Variants in CNNM1 observed in about 807,000 individuals in gnomAD.
CNNM1 encodes metal transporter CNNM1.
CNNM1 carries 44 observed loss-of-function variants against 78.8 expected under a neutral mutation model. That is an observed-to-expected ratio of 0.56 (90% CI 0.44 to 0.72). The LOEUF (loss-of-function observed/expected upper bound fraction) is 0.72. CNNM1 is among the 30% of genes least tolerant of loss of function. The pLI, the probability that CNNM1 is intolerant of heterozygous loss-of-function variation, is 0.00. For missense variants in CNNM1, 1,101 were observed against 1,292.2 expected (o/e 0.85, Z 2.27); for synonymous variants, 584 against 581.5 (o/e 1.00, Z -0.06).
intron 7 of CNNM1, 61 bp downstream of exon 7, chr10:99,377,279 G>C: frequency 1.3e-6 from 2 of 1,515,450 alleles, no homozygotes; most frequent in East Asian, 2.3e-5. Flanking sequence ...TGGCTGAGCG[G>C]GACAAGAAGA....
At chr10:99,386,746 CTCTT>C (rs1183121636) in intron 7 of CNNM1, among the ~76,000 whole-genome samples, 1 of 152,202 alleles carries the variant, frequency 6.6e-6, no homozygotes, top group African/African-American at 2.4e-5. Context: ...CAAGCCTACT[CTCTT>C]TCCCAACATG....
At chr10:99,331,086 A>C in intron 1 of CNNM1, 126 bp downstream of exon 1, 1 of 912,434 alleles carries the variant, frequency 1.1e-6, no homozygotes, top group South Asian at 1.8e-5. Flanking sequence ...CCCAAGGAAG[A>C]CTCTACCTCT....
At chr10:99,346,311 T>A (rs1331298336) in intron 1 of CNNM1, among the ~76,000 whole-genome samples, 1 of 152,178 alleles carries the variant, frequency 6.6e-6, no homozygotes, top group Non-Finnish European at 1.5e-5. Context: ...AAGGACACTT[T>A]GAATTAGAGG....
chr10:99,372,184 A>C (rs2031825271), intron 6 of CNNM1, among the ~76,000 whole-genome samples: 2 of 152,136 alleles, frequency 1.3e-5, no homozygotes, highest in African/African-American at 2.4e-5. Flanking sequence ...AGCCCCGATT[A>C]CAGTGTGAAG....
intron 1 of CNNM1, among the ~76,000 whole-genome samples, chr10:99,344,659 TC>T (rs2030606048): frequency 6.6e-6 from 1 of 152,004 alleles, no homozygotes; most frequent in Non-Finnish European, 1.5e-5. Flanking sequence ...TTCAGTTTCC[TC>T]CCCCATCACT....
intron 2 of CNNM1, among the ~76,000 whole-genome samples, chr10:99,359,955 C>T (rs910899071): frequency 6.7e-6 from 1 of 149,172 alleles, no homozygotes; most frequent in African/African-American, 2.5e-5. Context: ...AAAGCGGGGG[C>T]CGGGGGGGAA....
intron 7 of CNNM1, among the ~76,000 whole-genome samples, chr10:99,377,871 A>G (rs1487018982): frequency 6.6e-6 from 1 of 151,204 alleles, no homozygotes; most frequent in African/African-American, 2.4e-5. Context: ...ATTAAAGAGG[A>G]GGGGAGCTAT....
At position 99,362,252 on chromosome 10, in the gene CNNM1, C is replaced by G. The variant is rs1367427181; in HGVS notation, c.1884C>G (p.Tyr628Ter). 15 of 1,613,268 alleles carry G rather than the reference C, an allele frequency of 9.3e-6. No individual in the cohort carries two copies. In the Admixed American group the frequency reaches 2.0e-4, roughly 22 times the overall value. The stretch of plus-strand genomic sequence containing the variant: ...AAGTGGAGCCCTTTAAGTCTCTGTA[C>G]CTTTCGGAGAAGATCCTGCTCCGGC... ...ATEVEPFKSL[Y>*]LSEKILLRLL... The change falls in exon 4 of 11, where the codon TAC (tyrosine) becomes TAG (stop). Residue 628 changes from tyrosine to a stop codon, truncating the protein, a stop_gained. Coordinates refer to ENST00000356713, the MANE Select transcript of CNNM1 (RefSeq NM_020348.3). LOFTEE classifies it high-confidence loss of function.
chr10:99,390,374 G>A lies in CNNM1; in HGVS notation c.2743G>A (p.Glu915Lys), dbSNP rs2032438252. 6.2e-7 allele frequency: 1 copy of A among 1,612,890 alleles called. No individual in the cohort carries two copies. The highest frequency in any genetic ancestry group is 1.7e-5 in the Admixed American group (1 of 59,936). Residue 915 changes from glutamate to lysine, a missense_variant, in exon 10 of 11, where the codon GAA (glutamate) becomes AAA (lysine). Physicochemically the swap from Glu to Lys is moderately conservative, Grantham distance 56 (BLOSUM62 1). Coordinates refer to ENST00000356713, the MANE Select transcript of CNNM1 (RefSeq NM_020348.3). The part of the protein sequence containing the change: ...ETSPCSSDFE[E>K]NVGKKLLRTL... ...CAGCCCCTGCAGTAGCGATTTTGAG[G>A]AAAACGTGGGCAAGAAGCTGCTGAG...
chr10:99,339,528 T>C (rs537448669), intron 1 of CNNM1, among the ~76,000 whole-genome samples: 46 of 152,340 alleles, frequency 3.0e-4, no homozygotes, highest in African/African-American at 1.0e-3. Context: ...GCTGGGGCAT[T>C]AGGAGCGAGA....
chr10:99,335,808 G>C (rs2030152829), intron 1 of CNNM1, among the ~76,000 whole-genome samples: 3 of 152,192 alleles, frequency 2.0e-5, no homozygotes, highest in Admixed American at 6.5e-5. Flanking sequence ...GGCCAACTCA[G>C]TTTCTGGTGA....
At chr10:99,373,217 G>C (rs2031860119) in intron 6 of CNNM1, among the ~76,000 whole-genome samples, 1 of 152,194 alleles carries the variant, frequency 6.6e-6, no homozygotes, top group Admixed American at 6.5e-5. Flanking sequence ...TAAGAGATGA[G>C]GATGTGGAAC....
chr10:99,356,035 A>C (rs2031130187), intron 1 of CNNM1, among the ~76,000 whole-genome samples: 1 of 152,150 alleles, frequency 6.6e-6, no homozygotes, highest in African/African-American at 2.4e-5. Flanking sequence ...CAAAACTTAG[A>C]GCCATAAAAC....
intron 10 of CNNM1, 133 bp from the exon 11 acceptor site, chr10:99,391,304 G>A (rs904739394): frequency 2.8e-5 from 18 of 652,904 alleles, no homozygotes; most frequent in African/African-American, 3.7e-5. Flanking sequence ...ATACAATGCC[G>A]GTTAGTTCTA....
Position 99,387,906 on chromosome 10 carries a change from C to T in CNNM1, c.2427C>T (p.Asp809=), listed in dbSNP as rs532479735. ...CCCCTGACATGGAGGCCTTCACAGA[C>T]GGGGACTCCACTAAGGCCCCCACAA... ...PQSPDMEAFT[D]GDSTKAPTTR... is the part of the protein sequence containing the mutation. The change falls in exon 8 of 11, where the codon GAC becomes GAT. Residue 809 remains aspartate, a synonymous_variant. Transcript: ENST00000356713. 4.3e-5 allele frequency: 69 copies of T among 1,613,724 alleles called. No individual in the cohort carries two copies. The highest frequency in any genetic ancestry group is 6.6e-5 in the South Asian group (6 of 91,010).
chr10:99,390,743 C>A (rs562753269), intron 10 of CNNM1, among the ~76,000 whole-genome samples: 1 of 152,126 alleles, frequency 6.6e-6, no homozygotes, highest in African/African-American at 2.4e-5. Flanking sequence ...ATGTCAGAGT[C>A]GAGTAATTGT....
At chr10:99,368,681 G>A (rs1392695571) in intron 6 of CNNM1, 1 of 1,289,512 alleles carries the variant, frequency 7.8e-7, no homozygotes. Flanking sequence ...GGCTCCCCAG[G>A]TAAACATGCA....
intron 1 of CNNM1, among the ~76,000 whole-genome samples, chr10:99,349,696 G>A (rs1373043652): frequency 6.6e-6 from 1 of 152,152 alleles, no homozygotes; most frequent in Middle Eastern, 3.2e-3. Context: ...ATCACCTGGA[G>A]AGCTCATTAA....
intron 1 of CNNM1, among the ~76,000 whole-genome samples, chr10:99,350,669 T>TG (rs1333069175): frequency 6.6e-6 from 1 of 152,182 alleles, no homozygotes; most frequent in Non-Finnish European, 1.5e-5. Context: ...GGGGTATATG[T>TG]GCAGGATGTG....
Sources: gnomAD v4.1 joint callset for allele counts (sites outside exome capture counted in the v4.1 genomes callset) on GRCh38, gnomAD v4.1.1 for gene constraint, MANE v1.5 for transcripts, NCBI Gene and HGNC (gene_info 2026-07-23, HGNC 2026-07-21) for gene names.